The following VSTM2A variants were observed in gnomAD, a reference collection of about 807,000 sequenced individuals.
The protein encoded by VSTM2A is V-set and transmembrane domain-containing protein 2A.
A neutral mutation model predicts 27.3 loss-of-function variants in VSTM2A; 13 were observed. The ratio of observed to expected loss-of-function variants is 0.48; its 90% CI spans 0.31 to 0.76. The LOEUF (loss-of-function observed/expected upper bound fraction) is 0.76, where lower values mean the gene tolerates loss of function less well. Among genes scored for constraint, VSTM2A ranks in the 30% least tolerant of loss-of-function variants. VSTM2A has a pLI of 0.05. For missense variants in VSTM2A, 280 were observed against 310.0 expected (o/e 0.90, Z 0.73); for synonymous variants, 142 against 125.7 (o/e 1.13, Z -0.87).
intron 4 of VSTM2A, among the ~76,000 whole-genome samples, chr7:54,554,441 A>G (rs1186703299): frequency 6.6e-6 from 1 of 152,182 alleles, no homozygotes; most frequent in Non-Finnish European, 1.5e-5. Context: ...CTGTAGATCC[A>G]GACTCATGTT....
At chr7:54,560,076 T>C (rs890572724) in intron 4 of VSTM2A, 2 of 152,122 alleles carry the variant, frequency 1.3e-5, no homozygotes, top group African/African-American at 4.8e-5. Flanking sequence ...TTAAATTTTT[T>C]CCAATTAAAA....
At position 54,542,665 on chromosome 7, in the gene VSTM2A, G is replaced by A. The variant is rs914798983; in HGVS notation, c.-66G>A. On this transcript the variant is annotated 5_prime_UTR_variant, in exon 1 of 5. Transcript: ENST00000402613. ...CTGAGACTGAGCCTGCCATCCACTC[G>A]CACGCCTTTCTTTCAGGGCTTTTCG... 2 of 1,457,600 alleles carry A rather than the reference G, an allele frequency of 1.4e-6. No individual in the cohort carries two copies. The highest frequency in any genetic ancestry group is 1.9e-6 in the Non-Finnish European group (2 of 1,047,542). 90.3% of individuals were successfully genotyped at this position (1,457,600 alleles called of 1,614,324 possible).
At chr7:54,565,549 T>A (rs1435494651) in intron 4 of VSTM2A, among the ~76,000 whole-genome samples, 1 of 152,048 alleles carries the variant, frequency 6.6e-6, no homozygotes, top group African/African-American at 2.4e-5. Flanking sequence ...CTGGCAGACA[T>A]ATGAGAGGGG....
chr7:54,549,318 C>T (rs2115807127), intron 3 of VSTM2A, among the ~76,000 whole-genome samples: 1 of 152,256 alleles, frequency 6.6e-6, no homozygotes, highest in African/African-American at 2.4e-5. Flanking sequence ...TATTAATATC[C>T]AAGTTCATTA....
chr7:54,568,020 A>C (rs770448182), intron 4 of VSTM2A, among the ~76,000 whole-genome samples: 10 of 152,186 alleles, frequency 6.6e-5, no homozygotes, highest in Admixed American at 1.3e-4. Flanking sequence ...TTCTCCAGTC[A>C]CTAGGTTTCT....
chr7:54,543,985 G>A (rs935013053), intron 1 of VSTM2A, among the ~76,000 whole-genome samples: 2 of 152,150 alleles, frequency 1.3e-5, no homozygotes, highest in African/African-American at 4.8e-5. Flanking sequence ...CTGGATGTGT[G>A]ATCATTACAT....
intron 4 of VSTM2A, among the ~76,000 whole-genome samples, chr7:54,561,690 C>G (rs1421373220): frequency 1.3e-5 from 2 of 152,056 alleles, no homozygotes; most frequent in African/African-American, 4.8e-5. Flanking sequence ...ATAAAGCATT[C>G]TAATTAAGAA....
chr7:54,549,380 C>A (rs1489556377), intron 3 of VSTM2A, among the ~76,000 whole-genome samples: 3 of 152,232 alleles, frequency 2.0e-5, no homozygotes, highest in African/African-American at 7.2e-5. Flanking sequence ...CATTCTCACT[C>A]AAACTCATGA....
chr7:54,554,945 C>G (rs1439475910), intron 4 of VSTM2A, among the ~76,000 whole-genome samples: 2 of 152,184 alleles, frequency 1.3e-5, no homozygotes, highest in Non-Finnish European at 2.9e-5. Flanking sequence ...GATAGATACC[C>G]AGATCAGACA....
chr7:54,557,806 T>G (rs1475924799), intron 4 of VSTM2A: 1 of 152,200 alleles, frequency 6.6e-6, no homozygotes, highest in Non-Finnish European at 1.5e-5. Context: ...TTATCAGCAA[T>G]GAAATGATTA....
chr7:54,567,950 C>T (rs1250557335), intron 4 of VSTM2A, among the ~76,000 whole-genome samples: 1 of 152,068 alleles, frequency 6.6e-6, no homozygotes, highest in Non-Finnish European at 1.5e-5. Context: ...TTTTTTGAAA[C>T]TTGTCACCCA....
In VSTM2A at chr7:54,542,532, T is replaced by C. The variant is rs1787814638; in HGVS notation, c.-199T>C. The stretch of plus-strand genomic sequence containing the variant: ...GCCTGGGCTCCGCAGGAAGCCTCGC[T>C]GAATCCCAGCCAGCTGGTTCTAACC... On this transcript the variant is annotated 5_prime_UTR_variant, in exon 1 of 5. Coordinates refer to ENST00000402613, the MANE Select transcript of VSTM2A (RefSeq NM_001301009.2). 2 of 579,936 alleles carry C rather than the reference T, an allele frequency of 3.4e-6. No individual in the cohort carries two copies. Among genetic ancestry groups the C allele is most frequent in the South Asian group, 2.2e-5 (1 of 45,002 alleles). The allele number at this position is 579,936 out of a possible 1,614,324, so 35.9% of individuals were successfully genotyped here. A position where few individuals can be genotyped will look rare whatever the true frequency, so the allele number is the denominator to read the frequency against.
rs920204239 is a variant in VSTM2A at position 54,542,432 on chromosome 7, G to T, written c.-299G>T. The T allele has an allele frequency of 4.4e-6, 2 of 456,258 alleles. No individual in the cohort carries two copies. The highest frequency in any genetic ancestry group is 7.7e-6 in the Non-Finnish European group (2 of 258,364). The allele number at this position is 456,258 out of a possible 1,614,324, so 28.3% of individuals were successfully genotyped here. A position where few individuals can be genotyped will look rare whatever the true frequency, so the allele number is the denominator to read the frequency against. ...CAGTGATCACGCAAGCCGGAGCGGC[G>T]GGCTGACGTTGGACGAGCTGCCAGG... On this transcript the variant is annotated 5_prime_UTR_variant, in exon 1 of 5. Coordinates refer to ENST00000402613, the MANE Select transcript of VSTM2A (RefSeq NM_001301009.2).
rs1368441290 is a variant in VSTM2A at position 54,544,751 on chromosome 7, A to C, written c.209A>C (p.Glu70Ala). ...EIQWWFLRGP[E>A]DLDPGAEGAG... ...CAATGGTGGTTCCTGCGGGGGCCGG[A>C]GGACCTGGATCCCGGGGCCGAGGGG... is the stretch of plus-strand genomic sequence containing the variant. The change falls in exon 2 of 5, where the codon GAG becomes GCG. Residue 70 changes from glutamate (E) to alanine (A), a missense_variant. Physicochemically the swap from Glu to Ala is moderately radical, Grantham distance 107. Transcript: ENST00000402613. 1.9e-6 allele frequency: 3 copies of C among 1,612,166 alleles called. No individual in the cohort carries two copies. Among genetic ancestry groups the C allele is most frequent in the Non-Finnish European group, 2.5e-6 (3 of 1,179,654 alleles).
chr7:54,548,993 TC>T (rs1265590198), intron 3 of VSTM2A, among the ~76,000 whole-genome samples: 1 of 150,554 alleles, frequency 6.6e-6, no homozygotes, highest in African/African-American at 2.4e-5. Context: ...ACCTAACTGT[TC>T]TGATAAAGAT....
In VSTM2A at chr7:54,570,914, AT is replaced by A. The variant is rs1788874075; in HGVS notation, c.*1697del. Reference sequence around the variant, plus strand: ...AAGGTAAATGCATTCATTTTCTTTGATTCAGTTATAAGCAAGTATATATTTT... The same window carrying A: ...AAGGTAAATGCATTCATTTTCTTTGATCAGTTATAAGCAAGTATATATTTT... On this transcript the variant is annotated 3_prime_UTR_variant, in exon 5 of 5. Coordinates refer to ENST00000402613, the MANE Select transcript of VSTM2A (RefSeq NM_001301009.2). 1 of 152,176 alleles carries A rather than the reference AT, an allele frequency of 6.6e-6. No individual in the cohort carries two copies. Among genetic ancestry groups the A allele is most frequent in the South Asian group, 2.1e-4 (1 of 4,832 alleles). 9.4% of individuals were successfully genotyped at this position (152,176 alleles called of 1,614,324 possible).
intron 4 of VSTM2A, among the ~76,000 whole-genome samples, chr7:54,560,382 T>G (rs752487872): frequency 6.6e-6 from 1 of 152,118 alleles, no homozygotes; most frequent in Non-Finnish European, 1.5e-5. Context: ...TCTAAGCAAA[T>G]AGGTGTGATC....
intron 1 of VSTM2A, 117 bp from the exon 2 acceptor site, chr7:54,544,505 G>A: frequency 7.8e-7 from 1 of 1,283,484 alleles, no homozygotes; most frequent in Non-Finnish European, 1.1e-6. Context: ...AGCCGAGGAT[G>A]TAAGAGAGGG....
chr7:54,542,651 C>T lies in VSTM2A; in HGVS notation c.-80C>T, dbSNP rs1368940086. On this transcript the variant is annotated 5_prime_UTR_variant, in exon 1 of 5. Coordinates refer to ENST00000402613, the MANE Select transcript of VSTM2A (RefSeq NM_001301009.2). ...TCGCGCCCAGGGCTCTGAGACTGAG[C>T]CTGCCATCCACTCGCACGCCTTTCT... The T allele has an allele frequency of 7.7e-7, 1 of 1,297,148 alleles. No homozygotes were observed. Among genetic ancestry groups the T allele is most frequent in the Non-Finnish European group, 1.1e-6 (1 of 906,360 alleles). 80.4% of individuals were successfully genotyped at this position (1,297,148 alleles called of 1,614,324 possible). A position where few individuals can be genotyped will look rare whatever the true frequency, so the allele number is the denominator to read the frequency against.
Sources: gnomAD v4.1 joint callset for allele counts (sites outside exome capture counted in the v4.1 genomes callset) on GRCh38, gnomAD v4.1.1 for gene constraint, MANE v1.5 for transcripts, NCBI Gene and HGNC (gene_info 2026-07-23, HGNC 2026-07-21) for gene names.